CAGE1: variants seen among roughly 807,000 people sequenced by gnomAD.
CAGE1 encodes the protein cancer-associated gene 1 protein.
A neutral mutation model predicts 94.9 loss-of-function variants in CAGE1; 66 were observed. The ratio of observed to expected loss-of-function variants is 0.70; its 90% confidence interval spans 0.57 to 0.85. The LOEUF (loss-of-function observed/expected upper bound fraction) is 0.85, where lower values mean the gene tolerates loss of function less well. Ranked by LOEUF, CAGE1 falls within the 40% of genes least tolerant of loss-of-function variation. The probability of loss-of-function intolerance (pLI) is 0.00; values close to 1 mark genes in which losing one functional copy is unlikely to be tolerated. For missense variants in CAGE1, 865 were observed against 950.4 expected, an observed-to-expected ratio of 0.91 and a Z score of 1.18; for synonymous variants, 319 against 321.0, an observed-to-expected ratio of 0.99 and a Z score of 0.07.
rs768202423 is a variant in CAGE1, at chr6:7,373,686, G to C, written c.1133C>G (p.Thr378Ser). 5.0e-6 allele frequency: 8 copies of C among 1,612,688 alleles called. No individual in the cohort carries two copies. The highest frequency in any genetic ancestry group is 1.7e-5 in the Admixed American group (1 of 59,902). The change falls in exon 5 of 14, where the codon ACT (threonine) becomes AGT (serine). Residue 378 changes from threonine to serine, a missense_variant. Thr to Ser is a moderately conservative substitution (Grantham distance 58). Transcript: ENST00000502583. ...TTCCAAATTCTGCAATGTCTTTTTA[G>C]TATCATTCTTCTCTAGGATTATTTT... The part of the protein sequence containing the change: ...KYKIILEKND[T>S]KKTLQNLEEV...
chr6:7,343,583 A>C (rs2113372167), intron 11 of CAGE1, among the ~76,000 whole-genome samples: 1 of 152,300 alleles, frequency 6.6e-6, no homozygotes, highest in African/African-American at 2.4e-5. Context: ...GTTGTCATTT[A>C]TGAATTCAGT....
At chr6:7,381,840 C>T (rs1449124306) in intron 3 of CAGE1, among the ~76,000 whole-genome samples, 2 of 148,322 alleles carry the variant, frequency 1.3e-5, no homozygotes, top group African/African-American at 5.0e-5. Context: ...GAATTATGTG[C>T]CTTTTTCTTT....
In CAGE1 at chr6:7,378,866, T is replaced by C; in HGVS notation, c.438A>G (p.Gln146=). 4 of 1,612,098 alleles carry C rather than the reference T, an allele frequency of 2.5e-6. No individual in the cohort carries two copies. Among genetic ancestry groups the C allele is most frequent in the Non-Finnish European group, 3.4e-6 (4 of 1,178,754 alleles). The change falls in exon 4 of 14, where the codon CAA becomes CAG. Residue 146 remains glutamine, a synonymous_variant. Coordinates refer to ENST00000502583, the MANE Select transcript of CAGE1 (RefSeq NM_001170692.2). The part of the protein sequence containing the change: ...EMTEKPEFQS[Q]VYNYAKDNNI... ...TGTTGTCTTTTGCATAATTATACACTTGACTTTGAAATTCTGGCTTCTCTG... is the reference window on the plus strand; with the variant it reads ...TGTTGTCTTTTGCATAATTATACACCTGACTTTGAAATTCTGGCTTCTCTG...
chr6:7,358,027 G>GATAGATATATAT lies in CAGE1; in HGVS notation c.2194-1899_2194-1898insATATATATCTAT, dbSNP rs1554138205. ...CAGACTGCGGTTAGGTAAGTTTTGA[G>GATAGATATATAT]ATATATATATATATATATATATATA... On this transcript the variant is annotated intron_variant, in intron 9 of 13. Transcript: ENST00000502583. Among the ~76,000 whole-genome samples the GATAGATATATAT allele has an allele frequency of 2.9e-4, 14 of 48,080 alleles. No individual in the cohort carries two copies. The South Asian group carries it at 3.4e-3, about 12-fold the overall frequency. The allele number at this position is 48,080 out of a possible 152,430, so 31.5% of individuals were successfully genotyped here.
chr6:7,370,735 A>T (rs1047165800), intron 5 of CAGE1, among the ~76,000 whole-genome samples: 1 of 152,338 alleles, frequency 6.6e-6, no homozygotes, highest in East Asian at 1.9e-4. Context: ...TATTTGCTTC[A>T]CACATTCCAT....
chr6:7,328,152 T>C (rs574250633), intron 13 of CAGE1, among the ~76,000 whole-genome samples: 1 of 152,224 alleles, frequency 6.6e-6, no homozygotes, highest in African/African-American at 2.4e-5. Flanking sequence ...TGTCTGCTGT[T>C]TGGGATCACT....
intron 9 of CAGE1, among the ~76,000 whole-genome samples, chr6:7,364,189 T>G (rs1760251452): frequency 6.6e-6 from 1 of 152,132 alleles, no homozygotes; most frequent in Non-Finnish European, 1.5e-5. Context: ...ATGCCCAAAT[T>G]TTACTGGTCT....
chr6:7,329,279 G>GA (rs755755957), intron 13 of CAGE1: 501 of 378,532 alleles, frequency 1.3e-3, no homozygotes, highest in East Asian at 1.4e-3. Flanking sequence ...AAAAAGAAAA[G>GA]AAAAAAAAAT....
rs1466960720 is a variant in CAGE1 at position 7,356,059 on chromosome 6, T to C, written c.2264A>G (p.Lys755Arg). The C allele has an allele frequency of 1.3e-6, 2 of 1,549,424 alleles. No homozygotes were observed. Among genetic ancestry groups the C allele is most frequent in the South Asian group, 2.4e-5 (2 of 83,988 alleles). The stretch of plus-strand genomic sequence containing the variant: ...TAAGTTGCCTAAATGTCTTTGATAC[T>C]TGTCATTTTCTTCAATGAGTCTGTT... ...HCNRLIEEND[K>R]YQRHLGNLIK... Residue 755 changes from lysine (K) to arginine (R), a missense_variant, in exon 10 of 14, where the codon AAG (lysine) becomes AGG (arginine). Transcript: ENST00000502583.
At position 7,373,693 on chromosome 6, in the gene CAGE1, T is replaced by C. The variant is rs781631212; in HGVS notation, c.1126A>G (p.Asn376Asp). 5.1e-5 allele frequency: 82 copies of C among 1,612,926 alleles called. No individual in the cohort carries two copies. Among genetic ancestry groups the C allele is most frequent in the South Asian group, 9.9e-5 (9 of 91,040 alleles). ...TTCTGCAATGTCTTTTTAGTATCATTCTTCTCTAGGATTATTTTGTATTTG... is the reference window on the plus strand; with the variant it reads ...TTCTGCAATGTCTTTTTAGTATCATCCTTCTCTAGGATTATTTTGTATTTG... ...EDKYKIILEK[N>D]DTKKTLQNLE... Residue 376 changes from asparagine to aspartate, a missense_variant, in exon 5 of 14, where the codon AAT (asparagine) becomes GAT (aspartate). Coordinates refer to ENST00000502583, the MANE Select transcript of CAGE1 (RefSeq NM_001170692.2).
rs117196844 is a variant in CAGE1 at position 7,334,203 on chromosome 6, T to C, written c.2370-113A>G. ...TAAAAATAGGTAATCTAATTATCTATATGCTATCCAACCACCTAACCATAT... is the reference window on the plus strand; with the variant it reads ...TAAAAATAGGTAATCTAATTATCTACATGCTATCCAACCACCTAACCATAT... On this transcript the variant is annotated intron_variant, in intron 11 of 13. Transcript: ENST00000502583. 846 of 602,350 alleles carry C rather than the reference T, an allele frequency of 1.4e-3. 10 individuals are homozygous for C. In the East Asian group the frequency reaches 0.019, roughly 14 times the overall value. The allele number at this position is 602,350 out of a possible 1,614,324, so 37.3% of individuals were successfully genotyped here. A position where few individuals can be genotyped will look rare whatever the true frequency, so the allele number is the denominator to read the frequency against.
At chr6:7,370,122 T>A in intron 5 of CAGE1, 57 bp from the exon 6 acceptor site, 1 of 1,364,910 alleles carries the variant, frequency 7.3e-7, no homozygotes, top group Non-Finnish European at 9.9e-7. Context: ...GAAATATCTT[T>A]TAAGTAAAAT....
At chr6:7,345,524 T>C (rs576559031) in intron 11 of CAGE1, among the ~76,000 whole-genome samples, 3 of 152,224 alleles carry the variant, frequency 2.0e-5, no homozygotes, top group African/African-American at 7.2e-5. Context: ...TCTGGCTGCA[T>C]ATACAGAGTA....
At chr6:7,338,971 G>A in intron 11 of CAGE1, 2 of 1,609,640 alleles carry the variant, frequency 1.2e-6, no homozygotes, top group African/African-American at 1.3e-5. Context: ...GGCTTCTTAG[G>A]GCCAATCTTA....
At chr6:7,327,857 G>A (rs1168166201) in intron 13 of CAGE1, among the ~76,000 whole-genome samples, 1 of 152,092 alleles carries the variant, frequency 6.6e-6, no homozygotes. Flanking sequence ...TTGAACCCCG[G>A]AAGTGGAGGT....
In CAGE1 at chr6:7,368,252, C is replaced by CAAAAAA. The variant is rs57530544; in HGVS notation, c.2004+430_2004+435dup. ...TGAGCAACAGAGCAAGACTCTGTCT[C>CAAAAAA]AAAAAAAAAAAAAAAAAAAAAATTA... On this transcript the variant is annotated intron_variant, in intron 7 of 13. Transcript: ENST00000502583. Among the ~76,000 whole-genome samples, 9 of 84,408 alleles carry CAAAAAA rather than the reference C, an allele frequency of 1.1e-4. No homozygotes were observed. The South Asian group carries it at 3.2e-3, about 30-fold the overall frequency. The allele number at this position is 84,408 out of a possible 152,430, so 55.4% of individuals were successfully genotyped here.
intron 3 of CAGE1, among the ~76,000 whole-genome samples, chr6:7,380,852 A>T (rs920067045): frequency 2.0e-5 from 3 of 152,100 alleles, no homozygotes; most frequent in African/African-American, 7.2e-5. Context: ...GGTTCTGGGG[A>T]TACACCTAGA....
rs191689634 is a variant in CAGE1, at chr6:7,362,483, A to C, written c.2193+2985T>G. 6.6e-6 allele frequency among the ~76,000 whole-genome samples: 1 copy of C among 152,314 alleles called. No individual in the cohort carries two copies. Among genetic ancestry groups the C allele is most frequent in the African/African-American group, 2.4e-5 (1 of 41,578 alleles). On this transcript the variant is annotated intron_variant, in intron 9 of 13. Coordinates refer to ENST00000502583, the MANE Select transcript of CAGE1 (RefSeq NM_001170692.2). The surrounding 1 kb of genome is among the most constrained non-coding windows in gnomAD (Gnocchi z 4.1). Reference sequence around the variant, plus strand: ...AAACACCCAGGATGCTTGAGCCAGCAGGAAGGCAAAGCTGAAGTCAAGGAC... The same window carrying C: ...AAACACCCAGGATGCTTGAGCCAGCCGGAAGGCAAAGCTGAAGTCAAGGAC...
chr6:7,341,253 C>T, intron 11 of CAGE1: 1 of 669,884 alleles, frequency 1.5e-6, no homozygotes, highest in South Asian at 1.4e-5. Flanking sequence ...CAAAGGTGCT[C>T]ACAGCAGAAG....
Sources: allele counts gnomAD v4.1 joint callset (sites outside exome capture counted in the v4.1 genomes callset), GRCh38; gene constraint gnomAD v4.1.1; non-coding constraint Gnocchi (gnomAD v3.1); transcripts MANE v1.5; gene names NCBI Gene and HGNC (gene_info 2026-07-23, HGNC 2026-07-21).